The following ARNT2 variants were observed in gnomAD, a reference collection of about 807,000 sequenced individuals.
ARNT2 encodes the protein ARNT protein 2.
In ARNT2, 36 loss-of-function variants were observed where a neutral mutation model predicts 91.7. The ratio of observed to expected loss-of-function variants is 0.39; its 90% CI spans 0.30 to 0.52. The LOEUF is 0.52. Ranked by LOEUF, ARNT2 falls within the 20% of genes least tolerant of loss-of-function variation. The pLI is 0.72. For missense variants in ARNT2, 775 were observed against 939.3 expected, an observed-to-expected ratio of 0.83 and a Z score of 2.29; for synonymous variants, 365 against 347.1, an observed-to-expected ratio of 1.05 and a Z score of -0.57.
intron 3 of ARNT2, among the ~76,000 whole-genome samples, chr15:80,466,359 C>G (rs1005703819): frequency 2.6e-5 from 4 of 152,230 alleles, no homozygotes; most frequent in African/African-American, 9.6e-5. Context: ...TCTGGGTCCT[C>G]TTAGCACAGC....
chr15:80,491,884 T>G (rs1359606041), intron 5 of ARNT2, among the ~76,000 whole-genome samples: 1 of 151,440 alleles, frequency 6.6e-6, no homozygotes, highest in Non-Finnish European at 1.5e-5. Flanking sequence ...TGCTTTGTTT[T>G]GCTTTTTAAT....
rs375930452 is a variant in ARNT2 at position 80,580,545 on chromosome 15, G to A, written c.1748G>A (p.Gly583Glu). 40 of 1,613,860 alleles carry A rather than the reference G, an allele frequency of 2.5e-5. No individual in the cohort carries two copies. The South Asian group carries it at 4.3e-4, about 17-fold the overall frequency. ...AWTGSRPPFP[G>E]QQIPSQSSKT... ...ACAGGGAGTCGTCCGCCCTTTCCGGGACAGGTATGGGCATCTGTGAGGGCA... is the reference window on the plus strand; with the variant it reads ...ACAGGGAGTCGTCCGCCCTTTCCGGAACAGGTATGGGCATCTGTGAGGGCA... Residue 583 changes from glycine (G) to glutamate (E), a missense_variant, in exon 16 of 19, where the codon GGA (glycine) becomes GAA (glutamate). This residue lies in a region of ARNT2 where 325 missense variants were observed against 359.9 expected (regional missense o/e 0.90). Coordinates refer to ENST00000303329, the MANE Select transcript of ARNT2 (RefSeq NM_014862.4).
intron 8 of ARNT2, among the ~76,000 whole-genome samples, chr15:80,536,337 G>A (rs767334949): frequency 6.6e-5 from 10 of 152,190 alleles, no homozygotes; most frequent in Non-Finnish European, 8.8e-5. Flanking sequence ...CAGGTGTGAC[G>A]TTTACATAGC....
At chr15:80,573,389 G>T (rs1898617102) in intron 12 of ARNT2, among the ~76,000 whole-genome samples, 1 of 151,800 alleles carries the variant, frequency 6.6e-6, no homozygotes. Context: ...TTGATTGCTG[G>T]GCTGGGAGTA....
At chr15:80,582,062 C>T (rs757184660) in intron 17 of ARNT2, among the ~76,000 whole-genome samples, 2 of 152,122 alleles carry the variant, frequency 1.3e-5, no homozygotes, top group Non-Finnish European at 2.9e-5. Flanking sequence ...TGGGTGACAC[C>T]CAGCAGTGCG....
At chr15:80,464,049 A>G (rs1896609783) in intron 3 of ARNT2, among the ~76,000 whole-genome samples, 1 of 152,218 alleles carries the variant, frequency 6.6e-6, no homozygotes, top group Non-Finnish European at 1.5e-5. Context: ...GGAGGAAATC[A>G]CTTCTGGGAT....
chr15:80,578,380 C>T (rs1898723132), intron 15 of ARNT2, among the ~76,000 whole-genome samples: 1 of 151,904 alleles, frequency 6.6e-6, no homozygotes, highest in Admixed American at 6.5e-5. Context: ...TTGGAGGAGG[C>T]CTCACTAATG....
intron 8 of ARNT2, among the ~76,000 whole-genome samples, chr15:80,521,526 A>G (rs1314188714): frequency 3.3e-5 from 5 of 152,316 alleles, no homozygotes; most frequent in South Asian, 2.1e-4. Flanking sequence ...TAAAAGGTAC[A>G]TAAGGAGAAA....
intron 11 of ARNT2, 200 bp from the exon 12 acceptor site, chr15:80,562,887 AG>A: frequency 1.5e-6 from 1 of 667,514 alleles, no homozygotes. Context: ...ACCCAGATGC[AG>A]CACCCCATTT....
intron 3 of ARNT2, among the ~76,000 whole-genome samples, chr15:80,466,315 C>G (rs951960068): frequency 6.6e-6 from 1 of 152,204 alleles, no homozygotes; most frequent in East Asian, 1.9e-4. Context: ...CTTTCTGTGC[C>G]TTGATTTCCA....
At chr15:80,476,076 T>G (rs182898736) in intron 5 of ARNT2, among the ~76,000 whole-genome samples, 5 of 152,352 alleles carry the variant, frequency 3.3e-5, no homozygotes, top group Admixed American at 6.5e-5. Context: ...AGCTTTAACA[T>G]TAAGTGGTTA....
chr15:80,473,697 G>A (rs1005809847), intron 4 of ARNT2, among the ~76,000 whole-genome samples: 5 of 152,176 alleles, frequency 3.3e-5, no homozygotes, highest in Non-Finnish European at 7.3e-5. Context: ...CCAGGCAGAG[G>A]ATGTTAGAAT....
intron 5 of ARNT2, among the ~76,000 whole-genome samples, chr15:80,483,670 C>T (rs746189814): frequency 5.3e-5 from 8 of 152,206 alleles, no homozygotes; most frequent in Non-Finnish European, 1.2e-4. Flanking sequence ...AACAGGAGAG[C>T]GAGGAGCTGG....
At chr15:80,477,630 G>A (rs1478558525) in intron 5 of ARNT2, among the ~76,000 whole-genome samples, 1 of 151,956 alleles carries the variant, frequency 6.6e-6, no homozygotes, top group Non-Finnish European at 1.5e-5. Flanking sequence ...TCCTCTGTGT[G>A]CACGAATCTT....
intron 2 of ARNT2, among the ~76,000 whole-genome samples, chr15:80,453,001 G>A (rs751595852): frequency 1.3e-5 from 2 of 152,144 alleles, no homozygotes; most frequent in Non-Finnish European, 2.9e-5. Flanking sequence ...TGAACTCCTG[G>A]CCTCAAGCAA....
intron 1 of ARNT2, among the ~76,000 whole-genome samples, chr15:80,427,031 C>T (rs1194392137): frequency 6.6e-6 from 1 of 152,130 alleles, no homozygotes; most frequent in East Asian, 1.9e-4. Context: ...GCCTCATTTC[C>T]AAATACTTTC....
At chr15:80,514,511 C>A in intron 8 of ARNT2, 106 bp downstream of exon 8, 1 of 949,596 alleles carries the variant, frequency 1.1e-6, no homozygotes, top group Admixed American at 2.2e-5. Flanking sequence ...GGAAAATATT[C>A]TTATTTTTCT....
intron 2 of ARNT2, among the ~76,000 whole-genome samples, chr15:80,457,420 G>A (rs895444): frequency 0.9 from 137,078 of 152,280 alleles, 61,777 homozygotes; most frequent in East Asian, 1. Context: ...CAGTACAACC[G>A]GTAGTATTTC....
chr15:80,457,888 C>T (rs1207780760), intron 2 of ARNT2, 41 bp from the exon 3 acceptor site: 22 of 1,607,380 alleles, frequency 1.4e-5, no homozygotes, highest in Admixed American at 3.4e-5. Flanking sequence ...TTAAAATGTT[C>T]TCCTAATAAT....
Sources: gnomAD v4.1 joint callset for allele counts (sites outside exome capture counted in the v4.1 genomes callset) on GRCh38, gnomAD v4.1.1 for gene constraint, gnomAD v4.1.1 regional missense constraint, MANE v1.5 for transcripts, NCBI Gene and HGNC (gene_info 2026-07-23, HGNC 2026-07-21) for gene names.